DEPDC1B: variants seen among roughly 807,000 people sequenced by gnomAD.
DEPDC1B encodes the protein DEP domain-containing protein 1B.
DEPDC1B carries 51 observed loss-of-function variants against 66.5 expected under a neutral mutation model. The ratio of observed to expected loss-of-function variants is 0.77; its 90% confidence interval spans 0.61 to 0.97. The LOEUF is 0.97. Among genes scored for constraint, DEPDC1B ranks in the 50% least tolerant of loss-of-function variants. DEPDC1B has a pLI of 0.00. For synonymous variants in DEPDC1B, 226 were observed against 223.6 expected (o/e 1.01, Z -0.10); for missense variants, 552 against 637.1 (o/e 0.87, Z 1.44).
intron 7 of DEPDC1B, among the ~76,000 whole-genome samples, chr5:60,618,339 G>A (rs1469164560): frequency 1.3e-5 from 2 of 152,100 alleles, no homozygotes; most frequent in African/African-American, 4.8e-5. Flanking sequence ...AAAAATCAAT[G>A]AATCCAGGAG....
intron 7 of DEPDC1B, among the ~76,000 whole-genome samples, chr5:60,625,097 A>G (rs1238785400): frequency 6.6e-6 from 1 of 152,190 alleles, no homozygotes; most frequent in Non-Finnish European, 1.5e-5. Flanking sequence ...ATAGCTGCAT[A>G]GTATTCCCTG....
intron 7 of DEPDC1B, among the ~76,000 whole-genome samples, chr5:60,608,830 T>A (rs760947237): frequency 1.3e-5 from 2 of 152,120 alleles, no homozygotes; most frequent in Non-Finnish European, 2.9e-5. Flanking sequence ...TAAATGAGGC[T>A]AGGCATGGTG....
At chr5:60,679,406 C>T (rs935338947) in intron 2 of DEPDC1B, among the ~76,000 whole-genome samples, 3 of 151,932 alleles carry the variant, frequency 2.0e-5, no homozygotes, top group Non-Finnish European at 2.9e-5. Context: ...ACATAACAAA[C>T]TTTAGTTTCA....
intron 7 of DEPDC1B, among the ~76,000 whole-genome samples, chr5:60,617,347 TG>T (rs1436045521): frequency 1.3e-5 from 2 of 152,142 alleles, no homozygotes; most frequent in African/African-American, 4.8e-5. Flanking sequence ...ACTGGCAAAT[TG>T]GATAAAGAGT....
At chr5:60,628,536 A>G (rs1239744921) in intron 7 of DEPDC1B, 1 of 152,220 alleles carries the variant, frequency 6.6e-6, no homozygotes, top group African/African-American at 2.4e-5. Flanking sequence ...AAGAACAGGT[A>G]TAAAAAATAA....
At chr5:60,602,590 ACTTTGGGG>A (rs1163243194) in intron 9 of DEPDC1B, among the ~76,000 whole-genome samples, 5 of 151,976 alleles carry the variant, frequency 3.3e-5, no homozygotes, top group Non-Finnish European at 7.4e-5. Context: ...TACAAACCCC[ACTTTGGGG>A]TCCACACGAT....
At chr5:60,673,757 C>G (rs373853322) in intron 2 of DEPDC1B, among the ~76,000 whole-genome samples, 2 of 152,164 alleles carry the variant, frequency 1.3e-5, no homozygotes, top group African/African-American at 4.8e-5. Flanking sequence ...CTGATTAATG[C>G]CTATATGATA....
At chr5:60,669,187 T>C (rs896364338) in intron 2 of DEPDC1B, among the ~76,000 whole-genome samples, 1 of 152,204 alleles carries the variant, frequency 6.6e-6, no homozygotes, top group Non-Finnish European at 1.5e-5. Context: ...ATTTATTACC[T>C]AATAAATCAA....
intron 1 of DEPDC1B, among the ~76,000 whole-genome samples, chr5:60,689,402 C>T (rs189532220): frequency 8.0e-4 from 122 of 152,266 alleles, no homozygotes; most frequent in Admixed American, 1.4e-3. Flanking sequence ...CTTGTGTCCC[C>T]ATTGTGTCTT....
chr5:60,685,924 T>C (rs1462291109), intron 2 of DEPDC1B, among the ~76,000 whole-genome samples: 1 of 152,172 alleles, frequency 6.6e-6, no homozygotes, highest in Non-Finnish European at 1.5e-5. Context: ...AGATGACTAA[T>C]TGCCCAGATG....
At chr5:60,615,508 C>T (rs188386340) in intron 7 of DEPDC1B, among the ~76,000 whole-genome samples, 2 of 152,236 alleles carry the variant, frequency 1.3e-5, no homozygotes, top group South Asian at 4.1e-4. Flanking sequence ...TATCCCGTGC[C>T]TGGCTCGGAG....
chr5:60,602,605 C>T (rs1307150372), intron 9 of DEPDC1B, among the ~76,000 whole-genome samples: 1 of 151,954 alleles, frequency 6.6e-6, no homozygotes, highest in African/African-American at 2.4e-5. Context: ...GGGGTCCACA[C>T]GATAATAATA....
intron 2 of DEPDC1B, among the ~76,000 whole-genome samples, chr5:60,672,360 T>C (rs1301161963): frequency 6.6e-6 from 1 of 152,178 alleles, no homozygotes; most frequent in African/African-American, 2.4e-5. Flanking sequence ...TTACTCACAG[T>C]TCCACATGGC....
At chr5:60,613,788 T>TTGTGTGTGTGTGTG (rs36109910) in intron 7 of DEPDC1B, among the ~76,000 whole-genome samples, 56 of 103,378 alleles carry the variant, frequency 5.4e-4, no homozygotes, top group Middle Eastern at 4.5e-3. Context: ...ACATATGTAT[T>TTGTGTGTGTGTGTG]TGTGTGTGTG....
intron 2 of DEPDC1B, among the ~76,000 whole-genome samples, chr5:60,660,880 T>C (rs2111942171): frequency 6.6e-6 from 1 of 152,226 alleles, no homozygotes; most frequent in Admixed American, 6.5e-5. Flanking sequence ...GGACAGATGG[T>C]TCCTCCCAGG....
chr5:60,617,158 A>G (rs1752576729), intron 7 of DEPDC1B, among the ~76,000 whole-genome samples: 1 of 152,268 alleles, frequency 6.6e-6, no homozygotes, highest in Non-Finnish European at 1.5e-5. Context: ...GGAAAGGAAC[A>G]TACGGTACCA....
chr5:60,658,012 A>G (rs368379088), intron 2 of DEPDC1B, among the ~76,000 whole-genome samples: 7 of 151,762 alleles, frequency 4.6e-5, no homozygotes, highest in African/African-American at 1.7e-4. Flanking sequence ...CTTTGTCTTT[A>G]TTGGATTGGG....
chr5:60,608,462 A>C (rs1256398710), intron 7 of DEPDC1B, among the ~76,000 whole-genome samples: 2 of 148,280 alleles, frequency 1.3e-5, no homozygotes, highest in Non-Finnish European at 3.0e-5. Flanking sequence ...TATATTTATT[A>C]TATTATATTA....
chr5:60,697,441 T>C (rs12517207), intron 1 of DEPDC1B, among the ~76,000 whole-genome samples: 52,204 of 151,902 alleles, frequency 0.34, 10,568 homozygotes, highest in East Asian at 0.57. Context: ...AAGGGAGAAA[T>C]TGTATGCTGC....
Sources: gnomAD v4.1 joint callset for allele counts (sites outside exome capture counted in the v4.1 genomes callset) on GRCh38, gnomAD v4.1.1 for gene constraint, MANE v1.5 for transcripts, NCBI Gene and HGNC (gene_info 2026-07-23, HGNC 2026-07-21) for gene names.